The following CCNL2 variants were observed in gnomAD, a reference collection of about 807,000 sequenced individuals.
CCNL2 encodes cyclin-L2.
In CCNL2, 28 loss-of-function variants were observed where a neutral mutation model predicts 59.1. The observed-to-expected ratio is 0.47, with a 90% CI of 0.35 to 0.65. CCNL2 has a LOEUF of 0.65. Among genes scored for constraint, CCNL2 ranks in the 30% least tolerant of loss-of-function variants. The pLI is 0.00. For synonymous variants in CCNL2, 342 were observed against 288.6 expected (o/e 1.19, Z -1.88); for missense variants, 714 against 717.4 (o/e 1.00, Z 0.05).
intron 2 of CCNL2, 96 bp downstream of exon 2, chr1:1,398,501 G>A (rs1038065674): frequency 6.4e-7 from 1 of 1,572,136 alleles, no homozygotes; most frequent in Non-Finnish European, 8.7e-7. Context: ...TCAGACTGGG[G>A]GGCAAGTACT....
At position 1,390,441 on chromosome 1, in the gene CCNL2, G is replaced by A. The variant is rs1644703502; in HGVS notation, c.864+18C>T. The stretch of plus-strand genomic sequence containing the variant: ...CCAAACACAAACGCATACGTTACAT[G>A]AAAAAATGCCGAAGAACCTTTTTCC... On this transcript the variant is annotated intron_variant, in intron 7 of 10. Transcript: ENST00000400809. 6.2e-7 allele frequency: 1 copy of A among 1,612,022 alleles called. No individual in the cohort carries two copies. The highest frequency in any genetic ancestry group is 1.1e-5 in the South Asian group (1 of 90,728).
At chr1:1,389,921 T>C (rs1644671312) in intron 8 of CCNL2, among the ~76,000 whole-genome samples, 1 of 152,032 alleles carries the variant, frequency 6.6e-6, no homozygotes, top group African/African-American at 2.4e-5. Flanking sequence ...ATTGCGCCAC[T>C]GCACTCCAGC....
At chr1:1,388,130 T>C in intron 8 of CCNL2, 65 bp from the exon 9 acceptor site, 1 of 1,337,488 alleles carries the variant, frequency 7.5e-7, no homozygotes, top group Non-Finnish European at 1.1e-6. Context: ...AACAAGTTCG[T>C]AGAGCGAGAT....
At position 1,386,608 on chromosome 1, in the gene CCNL2, T is replaced by C. The variant is rs1644465977; in HGVS notation, c.*623A>G. The C allele has an allele frequency of 6.6e-6, 1 of 152,558 alleles. No individual in the cohort carries two copies. Among genetic ancestry groups the C allele is most frequent in the South Asian group, 2.1e-4 (1 of 4,834 alleles). 9.5% of individuals were successfully genotyped at this position (152,558 alleles called of 1,614,324 possible). ...CCGCACAGATAAAAATATACGACTT[T>C]CAACACAGATCCAAATACCCTCACA... On this transcript the variant is annotated 3_prime_UTR_variant, in exon 11 of 11. Transcript: ENST00000400809.
chr1:1,387,765 T>C lies in CCNL2; in HGVS notation c.1211+12A>G, dbSNP rs113128675. 27 of 194,798 alleles carry C rather than the reference T, an allele frequency of 1.4e-4. No homozygotes were observed. Among genetic ancestry groups the C allele is most frequent in the East Asian group, 1.4e-4 (6 of 43,646 alleles). The allele number at this position is 194,798 out of a possible 1,614,324, so 12.1% of individuals were successfully genotyped here. A position where few individuals can be genotyped will look rare whatever the true frequency, so the allele number is the denominator to read the frequency against. On this transcript the variant is annotated intron_variant, in intron 10 of 10. Coordinates refer to ENST00000400809, the MANE Select transcript of CCNL2 (RefSeq NM_030937.6). ...CGGTATCGGCCTCCTGGGTGCGCCC[T>C]GAGGCACACACCTCCTCTTAGGAGA...
intron 2 of CCNL2, 49 bp from the exon 3 acceptor site, chr1:1,398,391 G>A (rs369861843): frequency 1.9e-6 from 3 of 1,611,908 alleles, no homozygotes; most frequent in African/African-American, 2.7e-5. Context: ...CAGCCACGGC[G>A]TCCTGACGGC....
intron 4 of CCNL2, 122 bp from the exon 5 acceptor site, chr1:1,393,582 C>T: frequency 1.2e-6 from 1 of 833,256 alleles, no homozygotes; most frequent in East Asian, 2.5e-5. Context: ...CTCCTGGCCA[C>T]ACGTCTGGCG....
intron 1 of CCNL2, 63 bp from the exon 2 acceptor site, chr1:1,398,734 T>C: frequency 6.8e-7 from 1 of 1,472,404 alleles, no homozygotes; most frequent in South Asian, 1.1e-5. Flanking sequence ...CGGCCGAAAG[T>C]CATCGAGTAA....
Position 1,386,910 on chromosome 1 carries a change from T to TGCCAGGCCAC in CCNL2, c.*311_*320dup, listed in dbSNP as rs1352974996. ...AGCGGCTGCCGATAGCACCAGGCCA[T>TGCCAGGCCAC]GCCAGGCCACGCCAACAAGGGCGTG... On this transcript the variant is annotated 3_prime_UTR_variant, in exon 11 of 11. Coordinates refer to ENST00000400809, the MANE Select transcript of CCNL2 (RefSeq NM_030937.6). The TGCCAGGCCAC allele has an allele frequency of 1.3e-5, 4 of 307,420 alleles. No individual in the cohort carries two copies. Among genetic ancestry groups the TGCCAGGCCAC allele is most frequent in the African/African-American group, 4.3e-5 (2 of 46,672 alleles). 19.0% of individuals were successfully genotyped at this position (307,420 alleles called of 1,614,324 possible). A position where few individuals can be genotyped will look rare whatever the true frequency, so the allele number is the denominator to read the frequency against.
rs1281774091 is a variant in CCNL2 at position 1,386,419 on chromosome 1, A to G, written c.*812T>C. ...GAGCAAGGAGCCCGGAAGTGGGCGC[A>G]CTGGCTGTGCACACGCCTGGACACT... On this transcript the variant is annotated 3_prime_UTR_variant, in exon 11 of 11. Coordinates refer to ENST00000400809, the MANE Select transcript of CCNL2 (RefSeq NM_030937.6). 1 of 152,556 alleles carries G rather than the reference A, an allele frequency of 6.6e-6. No individual in the cohort carries two copies. Among genetic ancestry groups the G allele is most frequent in the East Asian group, 1.9e-4 (1 of 5,204 alleles). 9.5% of individuals were successfully genotyped at this position (152,556 alleles called of 1,614,324 possible).
At chr1:1,390,672 TTAGAG>T (rs1184436062) in intron 6 of CCNL2, 89 bp downstream of exon 6, 1 of 1,480,288 alleles carries the variant, frequency 6.8e-7, no homozygotes, top group Non-Finnish European at 9.4e-7. Context: ...TTGGCCCAGA[TTAGAG>T]TAATTTGAAG....
In CCNL2 at chr1:1,396,180, G is replaced by A. The variant is rs1399693105; in HGVS notation, c.474-666C>T. The stretch of plus-strand genomic sequence containing the variant: ...GGTGACACGGTGAGACACAGTGAGA[G>A]TCCGTCTCAGAAAAAAAAAAAAAAA... On this transcript the variant is annotated intron_variant, in intron 3 of 10. Coordinates refer to ENST00000400809, the MANE Select transcript of CCNL2 (RefSeq NM_030937.6). Among the ~76,000 whole-genome samples, 317 of 117,198 alleles carry A rather than the reference G, an allele frequency of 2.7e-3. 1 individual carries two copies. Among genetic ancestry groups the A allele is most frequent in the African/African-American group, 0.011 (299 of 27,462 alleles). The allele number at this position is 117,198 out of a possible 152,430, so 76.9% of individuals were successfully genotyped here.
chr1:1,393,339 T>A (rs1301453639), intron 5 of CCNL2, 57 bp downstream of exon 5: 12 of 1,494,460 alleles, frequency 8.0e-6, no homozygotes, highest in Non-Finnish European at 1.1e-5. Flanking sequence ...GTGCCTCAAG[T>A]CAACACATTC....
At chr1:1,391,760 G>A in intron 5 of CCNL2, 1 of 348,538 alleles carries the variant, frequency 2.9e-6, no homozygotes, top group Non-Finnish European at 5.6e-6. Flanking sequence ...GCTACATTTT[G>A]AGCATTTCCT....
Position 1,399,243 on chromosome 1 carries a change from C to T in CCNL2, c.64G>A (p.Ala22Thr), listed in dbSNP as rs775830548. ...GAGGGTGCGCCCCCAGATCCCGGGG[C>T]GCCGGCCGCTGCCGCGGGAGCTGCC... is the stretch of plus-strand genomic sequence containing the variant. ...GSAAPAAAAG[A>T]PGSGGAPSGS... Residue 22 changes from alanine to threonine, a missense_variant, in exon 1 of 11, where the codon GCC becomes ACC. Transcript: ENST00000400809. 1.0e-5 allele frequency: 16 copies of T among 1,589,554 alleles called. No individual in the cohort carries two copies. The South Asian group carries it at 1.8e-4, about 18-fold the overall frequency.
rs11486172 is a variant in CCNL2 at position 1,389,787 on chromosome 1, G to A, written c.1006+443C>T. 3.1e-3 allele frequency among the ~76,000 whole-genome samples: 469 copies of A among 151,590 alleles called. 1 individual carries two copies. The highest frequency in any genetic ancestry group is 0.01 in the African/African-American group (417 of 41,320). On this transcript the variant is annotated intron_variant, in intron 8 of 10. Transcript: ENST00000400809. ...ATCCTGGCTAACCTGGTGAAACCCC[G>A]TCTCTACTAAAAATTCAAAAAATTA...
rs753944119 is a variant in CCNL2, at chr1:1,398,211, TAGAC to T, written c.473+18_473+21del. The T allele has an allele frequency of 5.6e-6, 9 of 1,611,188 alleles. No individual in the cohort carries two copies. The highest frequency in any genetic ancestry group is 7.6e-6 in the Non-Finnish European group (9 of 1,177,580). On this transcript the variant is annotated intron_variant, in intron 3 of 10. Transcript: ENST00000400809. ...AAGAAAATAGGCATCTATGATAGAC[TAGAC>T]AGCTCTGACTGACTCACTTTTTGTC... is the stretch of plus-strand genomic sequence containing the variant.
chr1:1,391,432 G>T, intron 5 of CCNL2: 6 of 1,214,622 alleles, frequency 4.9e-6, no homozygotes, highest in Non-Finnish European at 6.3e-6. Context: ...TTCCTTGAAG[G>T]AGTCCACTTG....
At chr1:1,393,604 T>C (rs1644859720) in intron 4 of CCNL2, 144 bp from the exon 5 acceptor site, 2 of 707,482 alleles carry the variant, frequency 2.8e-6, no homozygotes, top group Non-Finnish European at 4.9e-6. Context: ...ACGGCTCAGC[T>C]GGAGGGAGCT....
Sources: gnomAD v4.1 joint callset for allele counts (sites outside exome capture counted in the v4.1 genomes callset) on GRCh38, gnomAD v4.1.1 for gene constraint, MANE v1.5 for transcripts, NCBI Gene and HGNC (gene_info 2026-07-23, HGNC 2026-07-21) for gene names.